Variants in BABAM2 observed in about 807,000 individuals in gnomAD.
BABAM2 encodes the protein BRISC and BRCA1-A complex member 2.
A neutral mutation model predicts 54.7 loss-of-function variants in BABAM2; 31 were observed. That is an observed-to-expected ratio of 0.57 (90% CI 0.43 to 0.77). The LOEUF (loss-of-function observed/expected upper bound fraction) is 0.77. BABAM2 is among the 30% of genes least tolerant of loss of function. The pLI, the probability that BABAM2 is intolerant of heterozygous loss-of-function variation, is 0.00. For missense variants in BABAM2, 364 were observed against 455.8 expected, an observed-to-expected ratio of 0.80 and a Z score of 1.83; for synonymous variants, 167 against 162.9, an observed-to-expected ratio of 1.03 and a Z score of -0.19.
intron 4 of BABAM2, among the ~76,000 whole-genome samples, chr2:28,012,707 T>A (rs1674482537): frequency 6.6e-6 from 1 of 152,224 alleles, no homozygotes; most frequent in African/African-American, 2.4e-5. Flanking sequence ...GAAAATACAT[T>A]ATTTTTATTC....
intron 7 of BABAM2, among the ~76,000 whole-genome samples, chr2:28,160,924 G>C (rs115149458): frequency 0.011 from 1,743 of 152,110 alleles, 40 homozygotes; most frequent in African/African-American, 0.039. Context: ...TACTATCTAT[G>C]CTTTTAAAAA....
chr2:28,158,514 A>G (rs1356659008), intron 7 of BABAM2, among the ~76,000 whole-genome samples: 1 of 152,250 alleles, frequency 6.6e-6, no homozygotes, highest in African/African-American at 2.4e-5. Flanking sequence ...GAGTGGGACT[A>G]TCTGCCACCA....
chr2:28,167,692 TC>T (rs1673844643), intron 7 of BABAM2, among the ~76,000 whole-genome samples: 1 of 95,210 alleles, frequency 1.1e-5, no homozygotes, highest in East Asian at 2.6e-4. Flanking sequence ...AGACTCCATC[TC>T]AAAAAAATAA....
At chr2:28,321,246 CAG>C (rs1472277925) in intron 11 of BABAM2, among the ~76,000 whole-genome samples, 1 of 152,156 alleles carries the variant, frequency 6.6e-6, no homozygotes, top group Non-Finnish European at 1.5e-5. Flanking sequence ...TGGAGAGAAA[CAG>C]AGACTTGGGG....
chr2:28,274,682 C>T (rs1284239345), intron 10 of BABAM2, among the ~76,000 whole-genome samples: 1 of 152,116 alleles, frequency 6.6e-6, no homozygotes, highest in Non-Finnish European at 1.5e-5. Flanking sequence ...ATGCACAGCG[C>T]CTGGCCCGGT....
At chr2:28,106,315 G>A (rs561326192) in intron 6 of BABAM2, among the ~76,000 whole-genome samples, 4 of 152,176 alleles carry the variant, frequency 2.6e-5, no homozygotes, top group African/African-American at 9.6e-5. Flanking sequence ...AAGAGATGAG[G>A]TGTTGCTGTA....
At chr2:28,054,712 A>G (rs7562828) in intron 6 of BABAM2, among the ~76,000 whole-genome samples, 10,450 of 152,308 alleles carry the variant, frequency 0.069, 549 homozygotes, top group African/African-American at 0.15. Flanking sequence ...TCTAGCTTCC[A>G]GTACTGTAAG....
intron 4 of BABAM2, among the ~76,000 whole-genome samples, chr2:27,989,375 A>AGGGCACAAGTGGGAG (rs1672619597): frequency 1.3e-5 from 2 of 152,202 alleles, no homozygotes; most frequent in East Asian, 3.8e-4. Context: ...TCATTCTTGA[A>AGGGCACAAGTGGGAG]GAATGGAACA....
At chr2:28,140,303 G>A (rs1457009607) in intron 7 of BABAM2, among the ~76,000 whole-genome samples, 1 of 152,102 alleles carries the variant, frequency 6.6e-6, no homozygotes, top group Non-Finnish European at 1.5e-5. Flanking sequence ...AAAACAGATG[G>A]TCATCAACAC....
intron 11 of BABAM2, 49 bp from the exon 12 acceptor site, chr2:28,338,401 A>G (rs760101953): frequency 5.3e-6 from 8 of 1,522,594 alleles, no homozygotes; most frequent in Non-Finnish European, 6.4e-6. Flanking sequence ...CTTTGTTTCA[A>G]GTTGTTTGTG....
chr2:28,092,911 C>T (rs1305433608), intron 6 of BABAM2, among the ~76,000 whole-genome samples: 1 of 152,106 alleles, frequency 6.6e-6, no homozygotes, highest in Non-Finnish European at 1.5e-5. Flanking sequence ...AGTCCCTGGG[C>T]ACATAGCACT....
intron 7 of BABAM2, among the ~76,000 whole-genome samples, chr2:28,146,424 T>G (rs1263652323): frequency 1.3e-5 from 2 of 152,200 alleles, no homozygotes; most frequent in African/African-American, 4.8e-5. Flanking sequence ...AAATTGCCAT[T>G]TCATAGTCTC....
intron 11 of BABAM2, chr2:28,308,565 G>T: frequency 2.1e-6 from 1 of 469,576 alleles, no homozygotes; most frequent in South Asian, 1.6e-5. Context: ...AGAGAAGAAG[G>T]CATATTGGGA....
At chr2:27,949,556 T>C (rs796932004) in intron 3 of BABAM2, among the ~76,000 whole-genome samples, 4 of 151,120 alleles carry the variant, frequency 2.6e-5, no homozygotes, top group African/African-American at 9.7e-5. Context: ...AAAAGAATCA[T>C]ATTGTCGAAG....
chr2:28,059,247 G>A (rs865788574), intron 6 of BABAM2, among the ~76,000 whole-genome samples: 1 of 152,052 alleles, frequency 6.6e-6, no homozygotes, highest in Non-Finnish European at 1.5e-5. Context: ...CACATACCTT[G>A]ATCTAGTTTA....
At chr2:28,212,271 C>G (rs1412111604) in intron 7 of BABAM2, among the ~76,000 whole-genome samples, 1 of 152,216 alleles carries the variant, frequency 6.6e-6, no homozygotes, top group East Asian at 1.9e-4. Context: ...TTGAGTGCCT[C>G]CTATGCACCA....
intron 7 of BABAM2, 26 bp downstream of exon 7, chr2:28,129,406 C>A: frequency 3.9e-6 from 6 of 1,545,892 alleles, no homozygotes; most frequent in Non-Finnish European, 5.4e-6. Context: ...ATGAGGTAGC[C>A]TGGTGCTACT....
At chr2:28,254,567 A>G (rs1683796824) in intron 10 of BABAM2, among the ~76,000 whole-genome samples, 1 of 152,006 alleles carries the variant, frequency 6.6e-6, no homozygotes, top group African/African-American at 2.4e-5. Context: ...AAGTAGAAAG[A>G]AAAATATAGT....
chr2:28,243,774 T>C (rs1682667651), intron 9 of BABAM2, among the ~76,000 whole-genome samples: 1 of 152,150 alleles, frequency 6.6e-6, no homozygotes, highest in African/African-American at 2.4e-5. Flanking sequence ...CTGAATGATA[T>C]ACCAACCATT....
Sources: gnomAD v4.1 joint callset for allele counts (sites outside exome capture counted in the v4.1 genomes callset) on GRCh38, gnomAD v4.1.1 for gene constraint, MANE v1.5 for transcripts, NCBI Gene and HGNC (gene_info 2026-07-23, HGNC 2026-07-21) for gene names.